KLC1: variants seen among roughly 807,000 people sequenced by gnomAD.
The protein encoded by KLC1 is kinesin 2 60/70kDa.
Under a neutral mutation model 84.2 loss-of-function variants are expected in KLC1, and 30 were observed. The ratio of observed to expected loss-of-function variants is 0.36; its 90% confidence interval spans 0.27 to 0.48. The LOEUF is 0.48. Among genes scored for constraint, KLC1 ranks in the 20% least tolerant of loss-of-function variants. KLC1 has a pLI of 0.99. For synonymous variants in KLC1, 289 were observed against 293.3 expected (o/e 0.99, Z 0.15); for missense variants, 499 against 805.4 (o/e 0.62, Z 4.60).
intron 15 of KLC1, 128 bp from the exon 16 acceptor site, chr14:103,700,527 A>G: frequency 1.5e-6 from 1 of 674,138 alleles, no homozygotes; most frequent in Non-Finnish European, 2.5e-6. Flanking sequence ...GAGGCTGCTA[A>G]GGGGCCCCTA....
intron 1 of KLC1, among the ~76,000 whole-genome samples, chr14:103,648,623 ATAAAAAGAAAAT>A: frequency 6.6e-6 from 1 of 151,706 alleles, no homozygotes; most frequent in Non-Finnish European, 1.5e-5. Flanking sequence ...TCTACAGAAA[ATAAAAAGAAAAT>A]AAAAAAGAAA....
intron 1 of KLC1, among the ~76,000 whole-genome samples, chr14:103,633,002 C>A (rs2076799313): frequency 6.6e-6 from 1 of 151,802 alleles, no homozygotes; most frequent in Non-Finnish European, 1.5e-5. Flanking sequence ...TAGGAAAGGC[C>A]TTGAATGACT....
At chr14:103,692,510 G>A (rs1352987155) in intron 15 of KLC1, 85 bp downstream of exon 15, 11 of 1,171,772 alleles carry the variant, frequency 9.4e-6, no homozygotes, top group South Asian at 4.0e-5. Flanking sequence ...GCCCCTGCTC[G>A]GCCCCTGCTC....
intron 11 of KLC1, among the ~76,000 whole-genome samples, chr14:103,676,367 C>G (rs2080875699): frequency 6.6e-6 from 1 of 152,156 alleles, no homozygotes; most frequent in Admixed American, 6.5e-5. Flanking sequence ...CTCCCAGGTT[C>G]AAGTGATTCT....
At chr14:103,639,770 A>G (rs2077347164) in intron 1 of KLC1, among the ~76,000 whole-genome samples, 1 of 148,664 alleles carries the variant, frequency 6.7e-6, no homozygotes, top group African/African-American at 2.5e-5. Context: ...TTATTTTATT[A>G]TTTTTGAGAC....
At chr14:103,660,466 GTAAA>G (rs2079182480) in intron 3 of KLC1, among the ~76,000 whole-genome samples, 2 of 142,542 alleles carry the variant, frequency 1.4e-5, no homozygotes, top group East Asian at 2.1e-4. Context: ...AGATGACAGA[GTAAA>G]GCTCTGTCTC....
intron 1 of KLC1, among the ~76,000 whole-genome samples, chr14:103,644,434 T>C (rs1224163121): frequency 6.6e-6 from 1 of 151,958 alleles, no homozygotes; most frequent in Non-Finnish European, 1.5e-5. Context: ...AATTTTTTTG[T>C]GTTTTTAGTA....
At chr14:103,648,643 AAAG>A (rs1209076319) in intron 1 of KLC1, among the ~76,000 whole-genome samples, 2 of 151,994 alleles carry the variant, frequency 1.3e-5, no homozygotes, top group South Asian at 2.1e-4. Flanking sequence ...AATAAAAAAG[AAAG>A]AAAAATTAGC....
intron 1 of KLC1, among the ~76,000 whole-genome samples, chr14:103,643,384 T>A (rs755961147): frequency 1.3e-5 from 2 of 152,208 alleles, no homozygotes; most frequent in Non-Finnish European, 2.9e-5. Flanking sequence ...AAATGCTACC[T>A]GAGCCAGGTG....
At chr14:103,638,065 C>T (rs1440116514) in intron 1 of KLC1, among the ~76,000 whole-genome samples, 2 of 152,192 alleles carry the variant, frequency 1.3e-5, no homozygotes, top group East Asian at 3.9e-4. Context: ...TCAGGACCCT[C>T]TTTGCTGGTA....
At chr14:103,679,677 T>C (rs2081198544) in intron 13 of KLC1, 132 bp downstream of exon 13, 1 of 638,724 alleles carries the variant, frequency 1.6e-6, no homozygotes, top group South Asian at 2.1e-5. Context: ...TTTCTGTAAG[T>C]TCTTCACTTC....
At position 103,685,249 on chromosome 14, in the gene KLC1, T is replaced by A; in HGVS notation, c.1651-1832T>A. 9 of 1,398,568 alleles carry A rather than the reference T, an allele frequency of 6.4e-6. No individual in the cohort carries two copies. The South Asian group carries it at 1.5e-4, about 23-fold the overall frequency. 86.6% of individuals were successfully genotyped at this position (1,398,568 alleles called of 1,614,324 possible). A position where few individuals can be genotyped will look rare whatever the true frequency, so the allele number is the denominator to read the frequency against. ...TGTCTAAAATGTGTTTTTAAGAGAA[T>A]GAAAGTCATACCTGTAGCCTTTATT... is the stretch of plus-strand genomic sequence containing the variant. On this transcript the variant is annotated intron_variant, in intron 13 of 16. Transcript: ENST00000334553.
At chr14:103,635,526 G>A (rs2076980634) in intron 1 of KLC1, among the ~76,000 whole-genome samples, 1 of 152,124 alleles carries the variant, frequency 6.6e-6, no homozygotes, top group Non-Finnish European at 1.5e-5. Context: ...GGCTGAGGAG[G>A]GCGGATCACC....
At chr14:103,670,056 C>G (rs2080244437) in intron 6 of KLC1, 126 bp from the exon 7 acceptor site, 1 of 640,444 alleles carries the variant, frequency 1.6e-6, no homozygotes, top group South Asian at 2.4e-5. Context: ...TAACTGAAGT[C>G]ATATTGTTCT....
chr14:103,699,239 C>A, intron 15 of KLC1: 23 of 1,541,456 alleles, frequency 1.5e-5, no homozygotes, highest in Non-Finnish European at 2.0e-5. Context: ...TGGTTAGGCA[C>A]AGGCTGCTAC....
At chr14:103,650,533 A>G (rs2078343385) in intron 1 of KLC1, among the ~76,000 whole-genome samples, 1 of 151,982 alleles carries the variant, frequency 6.6e-6, no homozygotes, top group Non-Finnish European at 1.5e-5. Context: ...TTTACCTTGC[A>G]GAAATCAGTA....
chr14:103,642,500 A>G (rs2077568273), intron 1 of KLC1, among the ~76,000 whole-genome samples: 1 of 152,198 alleles, frequency 6.6e-6, no homozygotes. Flanking sequence ...TTTAGGAGAA[A>G]GACTACTGGC....
At chr14:103,698,824 C>G in intron 15 of KLC1, 1 of 1,604,278 alleles carries the variant, frequency 6.2e-7, no homozygotes, top group Non-Finnish European at 8.5e-7. Context: ...CCAGGTGTCC[C>G]TCGCACCCCT....
At chr14:103,696,105 GCCCCC>G in intron 15 of KLC1, 1 of 370,138 alleles carries the variant, frequency 2.7e-6, no homozygotes, top group Non-Finnish European at 3.3e-6. Context: ...CCCGCCCCCC[GCCCCC>G]CCCCACAGCA....
Sources: gnomAD v4.1 joint callset for allele counts (sites outside exome capture counted in the v4.1 genomes callset) on GRCh38, gnomAD v4.1.1 for gene constraint, MANE v1.5 for transcripts, NCBI Gene and HGNC (gene_info 2026-07-23, HGNC 2026-07-21) for gene names.